Variants in SMAD9 observed in about 807,000 individuals in gnomAD.
SMAD9 encodes MAD homolog 9.
SMAD9 carries 36 observed loss-of-function variants against 46.1 expected under a neutral mutation model. That is an observed-to-expected ratio of 0.78 (90% CI 0.60 to 1.03). SMAD9 has a LOEUF of 1.03. Among genes scored for constraint, SMAD9 ranks in the 50% least tolerant of loss-of-function variants. SMAD9 has a pLI of 0.00. For synonymous variants in SMAD9, 245 were observed against 237.1 expected (o/e 1.03, Z -0.31); for missense variants, 572 against 599.8 (o/e 0.95, Z 0.48).
chr13:36,906,672 G>A (rs2058622449), intron 1 of SMAD9, among the ~76,000 whole-genome samples: 1 of 152,090 alleles, frequency 6.6e-6, no homozygotes, highest in African/African-American at 2.4e-5. Context: ...AGTTACTAGG[G>A]GAATGAGTGC....
intron 3 of SMAD9, among the ~76,000 whole-genome samples, chr13:36,871,175 G>C (rs895663750): frequency 6.6e-6 from 1 of 152,204 alleles, no homozygotes; most frequent in African/African-American, 2.4e-5. Context: ...ATCACTTACT[G>C]AGTCAATAAA....
chr13:36,891,391 G>A (rs891565785), intron 1 of SMAD9, among the ~76,000 whole-genome samples: 5 of 152,178 alleles, frequency 3.3e-5, no homozygotes, highest in Admixed American at 6.5e-5. Flanking sequence ...TCTAAGTCAT[G>A]ATGCCATTAG....
At chr13:36,860,608 C>T (rs1012613250) in intron 5 of SMAD9, among the ~76,000 whole-genome samples, 1 of 151,850 alleles carries the variant, frequency 6.6e-6, no homozygotes, top group Non-Finnish European at 1.5e-5. Flanking sequence ...TGCCACCACG[C>T]CCGGCTAATT....
intron 1 of SMAD9, among the ~76,000 whole-genome samples, chr13:36,887,214 C>G (rs1186528255): frequency 1.5e-5 from 1 of 65,564 alleles, no homozygotes; most frequent in Non-Finnish European, 2.6e-5. Context: ...CTGACTAGAT[C>G]TTTTTTTTTT....
At chr13:36,908,193 A>G (rs1005493795) in intron 1 of SMAD9, among the ~76,000 whole-genome samples, 1 of 152,202 alleles carries the variant, frequency 6.6e-6, no homozygotes, top group East Asian at 1.9e-4. Context: ...CTCTAGAGAA[A>G]CCTTTTTTAA....
At chr13:36,851,252 C>T (rs187500299) in intron 6 of SMAD9, among the ~76,000 whole-genome samples, 22 of 152,328 alleles carry the variant, frequency 1.4e-4, no homozygotes, top group African/African-American at 5.1e-4. Context: ...CATTAGGCCC[C>T]AGCCACACTG....
At position 36,848,817 on chromosome 13, in the gene SMAD9, A is replaced by G; in HGVS notation, c.1263T>C (p.Gly421=). 6.2e-7 allele frequency: 1 copy of G among 1,613,822 alleles called. No homozygotes were observed. The highest frequency in any genetic ancestry group is 8.5e-7 in the Non-Finnish European group (1 of 1,179,990). ...MCTIRMSFVK[G]WGAEYHRQDV... Reference sequence around the variant, plus strand: ...CCTGGCGATGATACTCAGCACCCCAACCCTGAAAAACAAGAAAGGAGCTGA... The same window carrying G: ...CCTGGCGATGATACTCAGCACCCCAGCCCTGAAAAACAAGAAAGGAGCTGA... The change falls in exon 7 of 7, where the codon GGT becomes GGC. Residue 421 remains glycine, a splice_region_variant and synonymous_variant. Transcript: ENST00000379826.
chr13:36,868,028 A>G (rs12877189), intron 3 of SMAD9, among the ~76,000 whole-genome samples: 24,350 of 152,098 alleles, frequency 0.16, 2,918 homozygotes, highest in East Asian at 0.39. Flanking sequence ...CAAAACAACC[A>G]ATTCCTTCAG....
At position 36,877,962 on chromosome 13, in the gene SMAD9, G is replaced by A. The variant is rs146864818; in HGVS notation, c.412+1316C>T. On this transcript the variant is annotated intron_variant, in intron 2 of 6. Coordinates refer to ENST00000379826, the MANE Select transcript of SMAD9 (RefSeq NM_001127217.3). ...AATTTCCCTGAGCTAATGTGCCAGC[G>A]CTTTGGTTTCCTGGGATGAGGCAGA... Among the ~76,000 whole-genome samples, 455 of 152,228 alleles carry A rather than the reference G, an allele frequency of 3.0e-3. 2 individuals are homozygous for A. Among genetic ancestry groups the A allele is most frequent in the Middle Eastern group, 6.8e-3 (2 of 294 alleles).
At chr13:36,902,437 C>T (rs945625937) in intron 1 of SMAD9, among the ~76,000 whole-genome samples, 4 of 151,822 alleles carry the variant, frequency 2.6e-5, no homozygotes, top group South Asian at 4.2e-4. Context: ...TTAGGAAATG[C>T]GAGTCCTTCA....
At chr13:36,888,659 T>C (rs559373) in intron 1 of SMAD9, among the ~76,000 whole-genome samples, 89,138 of 151,942 alleles carry the variant, frequency 0.59, 27,008 homozygotes, top group East Asian at 0.73. Context: ...ACACTGATCA[T>C]GTTATGATGG....
At chr13:36,878,237 T>C (rs1390087790) in intron 2 of SMAD9, among the ~76,000 whole-genome samples, 2 of 152,168 alleles carry the variant, frequency 1.3e-5, no homozygotes, top group South Asian at 4.1e-4. Context: ...TATACAATCA[T>C]GCACTGTGTA....
chr13:36,853,623 G>T lies in SMAD9; in HGVS notation c.1056C>A (p.Asp352Glu), dbSNP rs1384462868. Residue 352 changes from aspartate to glutamate, a missense_variant, in exon 6 of 7, where the codon GAC (aspartate) becomes GAA (glutamate). Physicochemically the swap from Asp to Glu is conservative, Grantham distance 45. Coordinates refer to ENST00000379826, the MANE Select transcript of SMAD9 (RefSeq NM_001127217.3). ...GGEVYAECVS[D>E]SSIFVQSRNC... The stretch of plus-strand genomic sequence containing the variant: ...TCCGGCTCTGCACAAAGATGCTGCT[G>T]TCACTCACGCACTCGGCATACACCT... 9 of 1,614,078 alleles carry T rather than the reference G, an allele frequency of 5.6e-6. No homozygotes were observed. The highest frequency in any genetic ancestry group is 7.6e-6 in the Non-Finnish European group (9 of 1,179,972).
At chr13:36,851,795 C>A (rs1341542672) in intron 6 of SMAD9, 2 of 976,338 alleles carry the variant, frequency 2.0e-6, no homozygotes, top group Non-Finnish European at 2.4e-6. Context: ...GTATTAGGAA[C>A]AGTTTGTCTT....
Position 36,865,619 on chromosome 13 carries a change from G to C in SMAD9, c.921C>G (p.Asn307Lys), listed in dbSNP as rs2058224957. Residue 307 changes from asparagine to lysine, a missense_variant, in exon 5 of 7, where the codon AAC becomes AAG. Transcript: ENST00000379826. ...GAAGTCCAAGACAGAATCTGTTCCT[G>C]TTATTTGAAGGGTCGGTGAACCCAT... Reference protein sequence around the residue: ...LIDGFTDPSNNRNRFCLGLLS... With the variant: ...LIDGFTDPSNKRNRFCLGLLS... 1.9e-6 allele frequency: 3 copies of C among 1,614,010 alleles called. No individual in the cohort carries two copies. The highest frequency in any genetic ancestry group is 1.7e-5 in the Admixed American group (1 of 60,004).
At chr13:36,903,110 CTTTTTTTTTCTTTTGG>C (rs2058590911) in intron 1 of SMAD9, among the ~76,000 whole-genome samples, 1 of 141,320 alleles carries the variant, frequency 7.1e-6, no homozygotes, top group South Asian at 2.2e-4. Context: ...GGGGCTCTTT[CTTTTTTTTTCTTTTGG>C]TTTTTTTTTT....
At position 36,910,065 on chromosome 13, in the gene SMAD9, C is replaced by T. The variant is rs111800927; in HGVS notation, c.-187+10051G>A. 7.5e-3 allele frequency among the ~76,000 whole-genome samples: 1,131 copies of T among 151,594 alleles called. 10 individuals carry two copies. Among genetic ancestry groups the T allele is most frequent in the African/African-American group, 0.026 (1,057 of 41,382 alleles). On this transcript the variant is annotated intron_variant, in intron 1 of 6. Coordinates refer to ENST00000379826, the MANE Select transcript of SMAD9 (RefSeq NM_001127217.3). ...ACAAAAAATTATCCGGGCGTGGTGGCGGGCGCCTGTAGTCCCAGCTACTCA... is the reference window on the plus strand; with the variant it reads ...ACAAAAAATTATCCGGGCGTGGTGGTGGGCGCCTGTAGTCCCAGCTACTCA...
At chr13:36,873,977 C>T (rs1298470200) in intron 2 of SMAD9, among the ~76,000 whole-genome samples, 1 of 152,208 alleles carries the variant, frequency 6.6e-6, no homozygotes, top group Non-Finnish European at 1.5e-5. Flanking sequence ...TCTGATTATA[C>T]ACAAAATTTC....
chr13:36,891,975 G>A (rs2058492151), intron 1 of SMAD9, among the ~76,000 whole-genome samples: 1 of 152,206 alleles, frequency 6.6e-6, no homozygotes, highest in African/African-American at 2.4e-5. Flanking sequence ...CCTGGAGTAA[G>A]GGTGAGCTCA....
Sources: allele counts gnomAD v4.1 joint callset (sites outside exome capture counted in the v4.1 genomes callset), GRCh38; gene constraint gnomAD v4.1.1; transcripts MANE v1.5; gene names NCBI Gene and HGNC (gene_info 2026-07-23, HGNC 2026-07-21).